The following NRG4 variants were observed in gnomAD, a reference collection of about 807,000 sequenced individuals.
The protein encoded by NRG4 is pro-neuregulin-4, membrane-bound isoform.
In NRG4, 10 loss-of-function variants were observed where a neutral mutation model predicts 15.0. That is an observed-to-expected ratio of 0.67 (90% CI 0.41 to 1.13). The LOEUF (loss-of-function observed/expected upper bound fraction) is 1.13, where lower values mean the gene tolerates loss of function less well. NRG4 is among the 50% of genes most tolerant of loss of function. The pLI is 0.00. For synonymous variants in NRG4, 41 were observed against 50.1 expected (o/e 0.82, Z 0.77); for missense variants, 139 against 140.2 (o/e 0.99, Z 0.04).
At chr15:75,955,759 A>T (rs2032198712) in intron 5 of NRG4, among the ~76,000 whole-genome samples, 173 bp downstream of exon 5, 1 of 151,376 alleles carries the variant, frequency 6.6e-6, no homozygotes, top group African/African-American at 2.4e-5. Flanking sequence ...TACTGATAAT[A>T]AATTCATTTT....
At chr15:75,962,170 C>A (rs1196210286) in intron 3 of NRG4, among the ~76,000 whole-genome samples, 196 bp from the exon 4 acceptor site, 1 of 152,134 alleles carries the variant, frequency 6.6e-6, no homozygotes, top group Non-Finnish European at 1.5e-5. Context: ...TATAATAAAA[C>A]AATTTTTTAC....
chr15:76,005,963 A>T (rs1215941867), intron 3 of NRG4, among the ~76,000 whole-genome samples: 1 of 152,186 alleles, frequency 6.6e-6, no homozygotes, highest in African/African-American at 2.4e-5. Flanking sequence ...TGAAAGAGCT[A>T]GGCTAAAAAG....
intron 4 of NRG4, among the ~76,000 whole-genome samples, chr15:76,042,826 A>G (rs1388816829): frequency 6.6e-6 from 1 of 152,168 alleles, no homozygotes; most frequent in Non-Finnish European, 1.5e-5. Flanking sequence ...TATTACCCTG[A>G]TATCAAAACC....
intron 5 of NRG4, among the ~76,000 whole-genome samples, chr15:76,035,226 C>T (rs2035572353): frequency 6.6e-6 from 1 of 152,188 alleles, no homozygotes; most frequent in African/African-American, 2.4e-5. Context: ...TTACAAGATG[C>T]CTGCTATAGC....
intron 2 of NRG4, among the ~76,000 whole-genome samples, chr15:76,056,399 A>C (rs2036151971): frequency 6.6e-6 from 1 of 152,172 alleles, no homozygotes; most frequent in Non-Finnish European, 1.5e-5. Flanking sequence ...CGGAGATTGC[A>C]GTCAGCCGAG....
intron 3 of NRG4, among the ~76,000 whole-genome samples, chr15:75,988,687 G>T (rs1204170411): frequency 6.6e-6 from 1 of 152,038 alleles, no homozygotes; most frequent in Non-Finnish European, 1.5e-5. Context: ...TGATGCCAAG[G>T]AACTAGAGAT....
chr15:76,005,677 C>CAA (rs1251077498), intron 3 of NRG4: 3 of 182,760 alleles, frequency 1.6e-5, no homozygotes, highest in African/African-American at 5.8e-5. Flanking sequence ...GACTCTGTCT[C>CAA]AGAAAAAAAA....
At chr15:76,051,097 C>A (rs865944769) in intron 4 of NRG4, among the ~76,000 whole-genome samples, 1 of 148,190 alleles carries the variant, frequency 6.7e-6, no homozygotes, top group Non-Finnish European at 1.5e-5. Flanking sequence ...GCTCCGCCTG[C>A]CGGGTTCACG....
intron 5 of NRG4, among the ~76,000 whole-genome samples, chr15:76,019,663 G>C (rs1266062532): frequency 6.6e-6 from 1 of 152,150 alleles, no homozygotes; most frequent in Middle Eastern, 3.2e-3. Flanking sequence ...CTTGCCCTCT[G>C]TGGGCTGCAC....
At chr15:76,016,091 A>C (rs1198840106), upstream of NRG4, among the ~76,000 whole-genome samples, 1 of 152,236 alleles carries the variant, frequency 6.6e-6, no homozygotes. Flanking sequence ...GTATGTGTCC[A>C]GGAATTTATC....
At chr15:75,945,412 G>A (rs996097496) in intron 5 of NRG4, among the ~76,000 whole-genome samples, 8 of 151,782 alleles carry the variant, frequency 5.3e-5, no homozygotes, top group Admixed American at 1.3e-4. Context: ...CACTATGCCC[G>A]GTTCATTTTT....
intron 3 of NRG4, among the ~76,000 whole-genome samples, chr15:76,007,718 C>T (rs1418008149): frequency 3.3e-5 from 5 of 152,052 alleles, no homozygotes; most frequent in South Asian, 4.2e-4. Context: ...TGTGAGCCAC[C>T]GCGCCCAACC....
intron 3 of NRG4, among the ~76,000 whole-genome samples, chr15:75,982,392 T>C (rs1452381789): frequency 6.6e-6 from 1 of 152,198 alleles, no homozygotes; most frequent in Non-Finnish European, 1.5e-5. Context: ...GATCATGTCC[T>C]TAGACTGTAA....
chr15:76,039,350 A>G (rs1314568507), intron 4 of NRG4, among the ~76,000 whole-genome samples: 1 of 152,226 alleles, frequency 6.6e-6, no homozygotes, highest in Non-Finnish European at 1.5e-5. Context: ...TTTTAAGGAA[A>G]CTCAAAGAAA....
chr15:76,054,531 C>T (rs561983171), intron 2 of NRG4, among the ~76,000 whole-genome samples: 1 of 152,326 alleles, frequency 6.6e-6, no homozygotes, highest in African/African-American at 2.4e-5. Context: ...TCTCTGGCCT[C>T]AGCCTCCTAA....
chr15:75,962,467 C>A (rs372940904), intron 3 of NRG4, among the ~76,000 whole-genome samples: 1 of 151,936 alleles, frequency 6.6e-6, no homozygotes, highest in East Asian at 1.9e-4. Context: ...TATTTCTATT[C>A]TTCTTCAATG....
chr15:75,967,045 C>T (rs1217109017), intron 3 of NRG4, among the ~76,000 whole-genome samples: 1 of 139,904 alleles, frequency 7.1e-6, no homozygotes, highest in Non-Finnish European at 1.5e-5. Flanking sequence ...ATCCGGGAGG[C>T]GGAAGTTGCA....
Position 75,942,147 on chromosome 15 carries a change from G to C in NRG4, c.*1491C>G, listed in dbSNP as rs2031051991. The stretch of plus-strand genomic sequence containing the variant: ...AAGTTAGTAAAGACTGGTTGCCAGA[G>C]GTTCAGTGGGAGAGAGGGAGGGGTA... On this transcript the variant is annotated 3_prime_UTR_variant, in exon 6 of 6. Transcript: ENST00000394907. 4 of 152,078 alleles carry C rather than the reference G, an allele frequency of 2.6e-5. No homozygotes were observed. In the South Asian group the frequency reaches 8.3e-4, roughly 32 times the overall value. 9.4% of individuals were successfully genotyped at this position (152,078 alleles called of 1,614,324 possible). A position where few individuals can be genotyped will look rare whatever the true frequency, so the allele number is the denominator to read the frequency against.
intron 3 of NRG4, among the ~76,000 whole-genome samples, chr15:75,994,088 T>C (rs527998223): frequency 6.6e-6 from 1 of 152,308 alleles, no homozygotes; most frequent in Admixed American, 6.5e-5. Context: ...ACCTTACGAG[T>C]GACATGTTGT....
Sources: allele counts gnomAD v4.1 joint callset (sites outside exome capture counted in the v4.1 genomes callset), GRCh38; gene constraint gnomAD v4.1.1; transcripts MANE v1.5; gene names NCBI Gene and HGNC (gene_info 2026-07-23, HGNC 2026-07-21).